Variants in XAB2 observed in about 807,000 individuals in gnomAD.
XAB2 encodes the protein pre-mRNA-splicing factor SYF1.
Under a neutral mutation model 113.4 loss-of-function variants are expected in XAB2, and 57 were observed. The observed-to-expected ratio is 0.50, with a 90% confidence interval of 0.41 to 0.63. The LOEUF (loss-of-function observed/expected upper bound fraction) is 0.63. Among genes scored for constraint, XAB2 ranks in the 20% least tolerant of loss-of-function variants. The probability of loss-of-function intolerance (pLI) is 0.00; values close to 1 mark genes in which losing one functional copy is unlikely to be tolerated. For synonymous variants in XAB2, 497 were observed against 498.8 expected, an observed-to-expected ratio of 1.00 and a Z score of 0.05; for missense variants, 1,037 against 1,233.3, an observed-to-expected ratio of 0.84 and a Z score of 2.38.
Position 7,623,939 on chromosome 19 carries a change from T to C in XAB2, c.968-57A>G. On this transcript the variant is annotated intron_variant, in intron 7 of 18. Transcript: ENST00000358368. The surrounding 1 kb of genome is among the most constrained non-coding windows in gnomAD (Gnocchi z 4.6). ...GAGACCCAGGATGCAGGTCCCCGGA[T>C]GCCACCGCCTCCACTCCCCACCCTC... 2.0e-6 allele frequency: 3 copies of C among 1,482,908 alleles called. No individual in the cohort carries two copies. The highest frequency in any genetic ancestry group is 2.4e-4 in the Middle Eastern group (1 of 4,118). The allele number at this position is 1,482,908 out of a possible 1,614,324, so 91.9% of individuals were successfully genotyped here.
Position 7,623,984 on chromosome 19 carries a change from C to T in XAB2, c.968-102G>A. ...ACCCTCACTCCGCTCCAGCCCCCAG[C>T]CAAGTGCTCTGGGCCCTAGACACTC... is the stretch of plus-strand genomic sequence containing the variant. On this transcript the variant is annotated intron_variant, in intron 7 of 18. Transcript: ENST00000358368. This position sits in a 1 kb window ranked among gnomAD's most constrained non-coding sequence, Gnocchi z 4.6. The T allele has an allele frequency of 7.2e-7, 1 of 1,390,478 alleles. No homozygotes were observed. Among genetic ancestry groups the T allele is most frequent in the South Asian group, 1.4e-5 (1 of 70,648 alleles). The allele number at this position is 1,390,478 out of a possible 1,614,324, so 86.1% of individuals were successfully genotyped here.
chr19:7,622,276 C>A (rs999394772), intron 12 of XAB2, 55 bp downstream of exon 12: 1 of 1,560,838 alleles, frequency 6.4e-7, no homozygotes. Flanking sequence ...TGCTGAGGAC[C>A]CCTGGGGAGG....
chr19:7,622,893 C>T lies in XAB2; in HGVS notation c.1240G>A (p.Ala414Thr). ...GTGGCCTTCTCCAGGATGACACGGG[C>T]CTGCCGGGGCGGGCAGAGGCGAGGC... ...FYEDNGQLDD[A>T]RVILEKATKV... Residue 414 changes from alanine to threonine, a missense_variant and splice_region_variant, in exon 10 of 19, where the codon GCC becomes ACC. Transcript: ENST00000358368. 1 of 1,613,344 alleles carries T rather than the reference C, an allele frequency of 6.2e-7. No individual in the cohort carries two copies. Among genetic ancestry groups the T allele is most frequent in the Non-Finnish European group, 8.5e-7 (1 of 1,179,814 alleles).
At position 7,628,745 on chromosome 19, in the gene XAB2, C is replaced by G. The variant is rs925206760; in HGVS notation, c.52-447G>C. Among the ~76,000 whole-genome samples the G allele has an allele frequency of 6.6e-6, 1 of 152,168 alleles. No individual in the cohort carries two copies. Among genetic ancestry groups the G allele is most frequent in the Non-Finnish European group, 1.5e-5 (1 of 68,040 alleles). ...TGTCACCATCTGACCCATCTCCACC[C>G]CAGGCCCAGATGACCAGATCTTTAC... On this transcript the variant is annotated intron_variant, in intron 1 of 18. Coordinates refer to ENST00000358368, the MANE Select transcript of XAB2 (RefSeq NM_020196.3). This position sits in a 1 kb window ranked among gnomAD's most constrained non-coding sequence, Gnocchi z 4.6.
intron 13 of XAB2, 40 bp downstream of exon 13, chr19:7,621,095 G>GGGCCCCCCCC: frequency 6.1e-6 from 9 of 1,486,176 alleles, no homozygotes; most frequent in South Asian, 1.2e-5. Context: ...CAGAAACCCA[G>GGGCCCCCCCC]CCCGCCCGCC....
rs374217324 is a variant in XAB2 at position 7,622,119 on chromosome 19, TA to T, written c.1617+211del. Reference sequence around the variant, plus strand: ...AGGGAGAAGGCGGCTGTCTGTAAGCTAAGGAGAGAGGCCTCAGGAGGAACCA... The same window carrying T: ...AGGGAGAAGGCGGCTGTCTGTAAGCTAGGAGAGAGGCCTCAGGAGGAACCA... On this transcript the variant is annotated intron_variant, in intron 12 of 18. Transcript: ENST00000358368. 195 of 554,278 alleles carry T rather than the reference TA, an allele frequency of 3.5e-4. No homozygotes were observed. In the East Asian group the frequency reaches 3.8e-3, roughly 11 times the overall value. The allele number at this position is 554,278 out of a possible 1,614,324, so 34.3% of individuals were successfully genotyped here.
In XAB2 at chr19:7,624,917, C is replaced by A. The variant is rs774640643; in HGVS notation, c.823-472G>T. ...GGCTCGCCCACCCCAGCTCAGGTCC[C>A]CTCTCTCTACCCAGCCCTGACGGGT... On this transcript the variant is annotated intron_variant, in intron 6 of 18. Coordinates refer to ENST00000358368, the MANE Select transcript of XAB2 (RefSeq NM_020196.3). This position sits in a 1 kb window ranked among gnomAD's most constrained non-coding sequence, Gnocchi z 4.2. 3.9e-5 allele frequency among the ~76,000 whole-genome samples: 6 copies of A among 152,160 alleles called. No individual in the cohort carries two copies. The highest frequency in any genetic ancestry group is 1.4e-4 in the African/African-American group (6 of 41,436).
Position 7,623,307 on chromosome 19 carries a change from G to A in XAB2, c.1120-18C>T, listed in dbSNP as rs775207762. 1.9e-6 allele frequency: 3 copies of A among 1,612,826 alleles called. No individual in the cohort carries two copies. The highest frequency in any genetic ancestry group is 1.1e-5 in the South Asian group (1 of 91,074). ...TTGATGATCTGGGGACAGGAGGGAG[G>A]AGGTCATATAGGACTCAGGACCCTG... On this transcript the variant is annotated intron_variant, in intron 8 of 18. Coordinates refer to ENST00000358368, the MANE Select transcript of XAB2 (RefSeq NM_020196.3). The surrounding 1 kb of genome is among the most constrained non-coding windows in gnomAD (Gnocchi z 4.6).
At chr19:7,621,094 A>AAACCCCCCCCCCCCCCCCCCCCCCCC in intron 13 of XAB2, 41 bp downstream of exon 13, 12 of 1,494,422 alleles carry the variant, frequency 8.0e-6, no homozygotes, top group South Asian at 2.5e-5. Context: ...TCAGAAACCC[A>AAACCCCCCCCCCCCCCCCCCCCCCCC]GCCCGCCCGC....
rs1320036096 is a variant in XAB2 at position 7,624,703 on chromosome 19, C to G, written c.823-258G>C. 1.3e-5 allele frequency among the ~76,000 whole-genome samples: 2 copies of G among 152,164 alleles called. No homozygotes were observed. The highest frequency in any genetic ancestry group is 4.8e-5 in the African/African-American group (2 of 41,420). ...GTGACTGCCCTTTGCACACAGTGAC[C>G]TCAGGGCTCGACTGAGACACATGTG... On this transcript the variant is annotated intron_variant, in intron 6 of 18. Coordinates refer to ENST00000358368, the MANE Select transcript of XAB2 (RefSeq NM_020196.3). This position sits in a 1 kb window ranked among gnomAD's most constrained non-coding sequence, Gnocchi z 4.2.
chr19:7,619,655 G>A lies in XAB2; in HGVS notation c.2507-8C>T, dbSNP rs745577983. ...GCTGCTCCAGCCGAACCTCTGTGGG[G>A]AAGGCGGGAGCCAGTCACCCTCCTG... On this transcript the variant is annotated splice_region_variant and splice_polypyrimidine_tract_variant and intron_variant, in intron 18 of 18. Coordinates refer to ENST00000358368, the MANE Select transcript of XAB2 (RefSeq NM_020196.3). The A allele has an allele frequency of 2.5e-6, 4 of 1,603,050 alleles. No individual in the cohort carries two copies. The highest frequency in any genetic ancestry group is 1.3e-5 in the African/African-American group (1 of 74,918).
intron 12 of XAB2, chr19:7,621,702 T>C (rs545302929): frequency 2.7e-4 from 53 of 199,022 alleles, no homozygotes; most frequent in East Asian, 6.5e-4. Flanking sequence ...ACACGATCCA[T>C]AGAAACACAC....
Position 7,627,781 on chromosome 19 carries a change from C to T in XAB2, c.271G>A (p.Ala91Thr), listed in dbSNP as rs747316750. Residue 91 changes from alanine to threonine, a missense_variant, in exon 3 of 19, where the codon GCC (alanine) becomes ACC (threonine). Coordinates refer to ENST00000358368, the MANE Select transcript of XAB2 (RefSeq NM_020196.3). This position sits in a 1 kb window ranked among gnomAD's most constrained non-coding sequence, Gnocchi z 4.5. ...TGACAGTTGTTGACATCTTCATAGG[C>T]AGGGTCGGTCACACAGCGATGCTTC... ...QVKHRCVTDP[A>T]YEDVNNCHER... 10 of 1,614,114 alleles carry T rather than the reference C, an allele frequency of 6.2e-6. No homozygotes were observed. Among genetic ancestry groups the T allele is most frequent in the Non-Finnish European group, 8.5e-6 (10 of 1,180,034 alleles).
chr19:7,619,968 G>C lies in XAB2; in HGVS notation c.2374C>G (p.Gln792Glu), dbSNP rs766382249. 2 of 1,611,702 alleles carry C rather than the reference G, an allele frequency of 1.2e-6. No homozygotes were observed. The highest frequency in any genetic ancestry group is 1.7e-6 in the Non-Finnish European group (2 of 1,179,956). Residue 792 changes from glutamine to glutamate, a missense_variant, in exon 17 of 19, where the codon CAG (glutamine) becomes GAG (glutamate). Physicochemically the swap from Gln to Glu is conservative, Grantham distance 29. Coordinates refer to ENST00000358368, the MANE Select transcript of XAB2 (RefSeq NM_020196.3). Reference sequence around the variant, plus strand: ...CACCTCACGAACAGGATCTTGCTCTGGGCGCGCAAGGGCTGGTCACGCTCC... The same window carrying C: ...CACCTCACGAACAGGATCTTGCTCTCGGCGCGCAAGGGCTGGTCACGCTCC... ...EAERDQPLRA[Q>E]SKILFVRSDA...
Position 7,623,391 on chromosome 19 carries a change from G to T in XAB2, c.1120-102C>A. 4.0e-6 allele frequency: 6 copies of T among 1,488,620 alleles called. No individual in the cohort carries two copies. The highest frequency in any genetic ancestry group is 5.5e-6 in the Non-Finnish European group (6 of 1,097,070). 92.2% of individuals were successfully genotyped at this position (1,488,620 alleles called of 1,614,324 possible). On this transcript the variant is annotated intron_variant, in intron 8 of 18. Transcript: ENST00000358368. This position sits in a 1 kb window ranked among gnomAD's most constrained non-coding sequence, Gnocchi z 4.6. ...GGGGTGGGGCCTGGAGGGTGCTGTG[G>T]CCCCTGTCGGGAGAGGCCAGAAACG... is the stretch of plus-strand genomic sequence containing the variant.
In XAB2 at chr19:7,627,474, C is replaced by G. The variant is rs375183936; in HGVS notation, c.325-34G>C. The stretch of plus-strand genomic sequence containing the variant: ...GTGGGGAGAGGCGGCTGGGGCTAAG[C>G]CACGGACTCCATGGCCTGGCCACAG... On this transcript the variant is annotated intron_variant, in intron 3 of 18. Transcript: ENST00000358368. This position sits in a 1 kb window ranked among gnomAD's most constrained non-coding sequence, Gnocchi z 4.5. 1 of 1,580,998 alleles carries G rather than the reference C, an allele frequency of 6.3e-7. No individual in the cohort carries two copies. Among genetic ancestry groups the G allele is most frequent in the African/African-American group, 1.3e-5 (1 of 74,254 alleles).
intron 14 of XAB2, 73 bp from the exon 15 acceptor site, chr19:7,620,742 C>A: frequency 6.3e-7 from 1 of 1,590,236 alleles, no homozygotes; most frequent in Admixed American, 1.7e-5. Flanking sequence ...CCATGGCCAT[C>A]CCTGTGCTTC....
At chr19:7,622,287 G>A in intron 12 of XAB2, 44 bp downstream of exon 12, 2 of 1,593,252 alleles carry the variant, frequency 1.3e-6, no homozygotes, top group Non-Finnish European at 1.7e-6. Context: ...CCTGGGGAGG[G>A]GACACTGCCA....
Position 7,621,278 on chromosome 19 carries a change from G to A in XAB2, c.1637C>T (p.Ser546Leu), listed in dbSNP as rs759028786. The change falls in exon 13 of 19, where the codon TCG (serine) becomes TTG (leucine). Residue 546 changes from serine to leucine, a missense_variant. Transcript: ENST00000358368. ...ESFKAYERGI[S>L]LFKWPNVSDI... ...GGACACGTTGGGCCACTTGAACAGCGAGATGCCGCGCTCGTACGCCTGTTA... is the reference window on the plus strand; with the variant it reads ...GGACACGTTGGGCCACTTGAACAGCAAGATGCCGCGCTCGTACGCCTGTTA... 6 of 1,612,814 alleles carry A rather than the reference G, an allele frequency of 3.7e-6. No homozygotes were observed. In the African/African-American group the frequency reaches 4.0e-5, roughly 11 times the overall value.
Sources: gnomAD v4.1 joint callset for allele counts (sites outside exome capture counted in the v4.1 genomes callset) on GRCh38, gnomAD v4.1.1 for gene constraint, Gnocchi (gnomAD v3.1) non-coding constraint, MANE v1.5 for transcripts, NCBI Gene and HGNC (gene_info 2026-07-23, HGNC 2026-07-21) for gene names.